The following ETFBKMT variants were observed in gnomAD, a reference collection of about 807,000 sequenced individuals.
The protein encoded by ETFBKMT is electron transfer flavoprotein subunit beta lysine methyltransferase.
A neutral mutation model predicts 18.3 loss-of-function variants in ETFBKMT; 13 were observed. The ratio of observed to expected loss-of-function variants is 0.71; its 90% confidence interval spans 0.46 to 1.13. The LOEUF (loss-of-function observed/expected upper bound fraction) is 1.13, where lower values mean the gene tolerates loss of function less well. ETFBKMT is among the 50% of genes most tolerant of loss of function. The pLI, the probability that ETFBKMT is intolerant of heterozygous loss-of-function variation, is 0.00. For missense variants in ETFBKMT, 293 were observed against 306.2 expected (o/e 0.96, Z 0.32); for synonymous variants, 84 against 107.9 (o/e 0.78, Z 1.37).
intron 1 of ETFBKMT, among the ~76,000 whole-genome samples, chr12:31,652,697 T>C (rs952667299): frequency 1.3e-5 from 2 of 152,116 alleles, no homozygotes; most frequent in African/African-American, 4.8e-5. Flanking sequence ...ATGATGGTGA[T>C]TTATATTAGA....
Position 31,667,906 on chromosome 12 carries a change from A to T in ETFBKMT, c.705A>T (p.Lys235Asn), listed in dbSNP as rs775920698. ...SGHSIQHHLH[K>N]VVEYSLLEST... ...ACAGCATTCAGCATCACCTGCACAA[A>T]GTGGTAGAATATTCACTTTTGGAGT... The change falls in exon 4 of 4, where the codon AAA becomes AAT. Residue 235 changes from lysine to asparagine, a missense_variant. Lys to Asn is a moderately conservative substitution (Grantham distance 94). Coordinates refer to ENST00000357721, the MANE Select transcript of ETFBKMT (RefSeq NM_001135863.2). The T allele has an allele frequency of 3.1e-6, 5 of 1,614,194 alleles. No individual in the cohort carries two copies. In the South Asian group the frequency reaches 5.5e-5, roughly 18 times the overall value.
intron 1 of ETFBKMT, among the ~76,000 whole-genome samples, chr12:31,652,932 GTC>G (rs1951029376): frequency 1.3e-5 from 2 of 152,230 alleles, no homozygotes; most frequent in South Asian, 4.1e-4. Flanking sequence ...TGCCAGGCCG[GTC>G]GCGGTGGCTC....
intron 1 of ETFBKMT, among the ~76,000 whole-genome samples, chr12:31,651,023 C>T (rs1951013067): frequency 6.6e-6 from 1 of 152,138 alleles, no homozygotes; most frequent in Non-Finnish European, 1.5e-5. Flanking sequence ...AAACCCAGGG[C>T]TTATATACCC....
At position 31,672,300 on chromosome 12, in the gene ETFBKMT, AG is replaced by A. The variant is rs1565756072; in HGVS notation, c.*4311del. ...TCCTAGCATTGATCATCTTCAAAAA[AG>A]CATCAATAAACAGTCCATGTCACTT... On this transcript the variant is annotated 3_prime_UTR_variant, in exon 4 of 4. Coordinates refer to ENST00000357721, the MANE Select transcript of ETFBKMT (RefSeq NM_001135863.2). 6.4e-7 allele frequency: 1 copy of A among 1,566,970 alleles called. No homozygotes were observed. Among genetic ancestry groups the A allele is most frequent in the South Asian group, 1.2e-5 (1 of 85,354 alleles).
intron 2 of ETFBKMT, among the ~76,000 whole-genome samples, chr12:31,663,710 G>T (rs1032495482): frequency 1.4e-4 from 22 of 152,202 alleles, no homozygotes; most frequent in Non-Finnish European, 3.2e-4. Flanking sequence ...CCTGCGAGTG[G>T]TATCAGCCCC....
At chr12:31,661,724 G>T (rs1214603752) in intron 1 of ETFBKMT, 117 bp from the exon 2 acceptor site, 8 of 456,814 alleles carry the variant, frequency 1.8e-5, no homozygotes, top group Non-Finnish European at 3.2e-5. Flanking sequence ...CTCCCAAAGT[G>T]CAGGGATTAC....
intron 1 of ETFBKMT, among the ~76,000 whole-genome samples, chr12:31,661,272 T>C (rs1951119728): frequency 6.6e-6 from 1 of 152,188 alleles, no homozygotes; most frequent in Non-Finnish European, 1.5e-5. Context: ...TATGGCTGAT[T>C]TCCTGTAAGA....
At chr12:31,660,874 C>G (rs559456545) in intron 1 of ETFBKMT, 8 of 152,324 alleles carry the variant, frequency 5.3e-5, no homozygotes, top group African/African-American at 1.7e-4. Context: ...CTGTTAACTG[C>G]TTTATCCCAC....
At chr12:31,655,664 G>C (rs533638319), upstream of ETFBKMT, among the ~76,000 whole-genome samples, 6 of 152,176 alleles carry the variant, frequency 3.9e-5, no homozygotes, top group South Asian at 1.2e-3. Context: ...AGATGTACTG[G>C]GCACTAATTA....
At position 31,666,089 on chromosome 12, in the gene ETFBKMT, A is replaced by G. The variant is rs763545488; in HGVS notation, c.317A>G (p.Tyr106Cys). Residue 106 changes from tyrosine to cysteine, a missense_variant and splice_region_variant, in exon 3 of 4, where the codon TAT becomes TGT. By Grantham distance (194) the Tyr-to-Cys change is radical. Coordinates refer to ENST00000357721, the MANE Select transcript of ETFBKMT (RefSeq NM_001135863.2). ...CATGTTTCTCCTTTTTAATTTAGGT[A>G]TCTTTTGGATAATCCTGATGTTGTC... Reference protein sequence around the residue: ...YWPGGQALSRYLLDNPDVVRG... With the variant: ...YWPGGQALSRCLLDNPDVVRG... 56 of 1,607,634 alleles carry G rather than the reference A, an allele frequency of 3.5e-5. No homozygotes were observed. The highest frequency in any genetic ancestry group is 1.2e-4 in the Admixed American group (7 of 58,062).
rs893706299 is a variant in ETFBKMT, at chr12:31,671,623, A to G, written c.*3633A>G. On this transcript the variant is annotated 3_prime_UTR_variant, in exon 4 of 4. Coordinates refer to ENST00000357721, the MANE Select transcript of ETFBKMT (RefSeq NM_001135863.2). ...TTTACTCATTTTTACACATTTTTGA[A>G]TGCAATTTTGCTAAGGAAGGAAAGC... 2 of 152,180 alleles carry G rather than the reference A, an allele frequency of 1.3e-5. No homozygotes were observed. The highest frequency in any genetic ancestry group is 4.8e-5 in the African/African-American group (2 of 41,458). 9.4% of individuals were successfully genotyped at this position (152,180 alleles called of 1,614,324 possible). A position where few individuals can be genotyped will look rare whatever the true frequency, so the allele number is the denominator to read the frequency against.
In ETFBKMT at chr12:31,667,973, T is replaced by TG. The variant is rs137969510; in HGVS notation, c.776dup (p.Gln261SerfsTer19). The TG allele has an allele frequency of 3.4e-5, 55 of 1,612,858 alleles. No homozygotes were observed. The East Asian group carries it at 9.4e-4, about 27-fold the overall frequency. ...CAGTGGACTGACAACAAGCACAGTGTGGGGTTTTCAGCCTTGAGTTGTCAA... is the reference window on the plus strand; with the variant it reads ...CAGTGGACTGACAACAAGCACAGTGTGGGGGTTTTCAGCCTTGAGTTGTCAA... On this transcript the variant is annotated frameshift_variant, in exon 4 of 4. Coordinates refer to ENST00000357721, the MANE Select transcript of ETFBKMT (RefSeq NM_001135863.2). LOFTEE classifies it high-confidence loss of function.
rs576755234 is a variant in ETFBKMT, at chr12:31,671,366, C to T, written c.*3376C>T. On this transcript the variant is annotated 3_prime_UTR_variant, in exon 4 of 4. Coordinates refer to ENST00000357721, the MANE Select transcript of ETFBKMT (RefSeq NM_001135863.2). ...TATACAAGAAAGTTAGCATACTTAC[C>T]CCGTTTTTCACTACATCAGAGGCAA... 3.3e-5 allele frequency: 5 copies of T among 152,024 alleles called. No homozygotes were observed. Among genetic ancestry groups the T allele is most frequent in the Non-Finnish European group, 7.4e-5 (5 of 68,010 alleles). 9.4% of individuals were successfully genotyped at this position (152,024 alleles called of 1,614,324 possible).
Position 31,666,759 on chromosome 12 carries a change from T to A in ETFBKMT, c.445+542T>A, listed in dbSNP as rs898272820. 4.6e-5 allele frequency among the ~76,000 whole-genome samples: 7 copies of A among 151,632 alleles called. No individual in the cohort carries two copies. The South Asian group carries it at 1.5e-3, about 31-fold the overall frequency. ...TCCGCCTCCCGGGTTCACACCATTCTCCTGCCTCAGCCTCCTGAGTAGCTG... is the reference window on the plus strand; with the variant it reads ...TCCGCCTCCCGGGTTCACACCATTCACCTGCCTCAGCCTCCTGAGTAGCTG... On this transcript the variant is annotated intron_variant, in intron 3 of 3. Transcript: ENST00000357721.
At chr12:31,660,621 T>G (rs1158522443) in intron 1 of ETFBKMT, among the ~76,000 whole-genome samples, 1 of 152,196 alleles carries the variant, frequency 6.6e-6, no homozygotes, top group Admixed American at 6.5e-5. Flanking sequence ...AATCGAACCA[T>G]CAGATACTTT....
chr12:31,657,769 G>A (rs1350156947), upstream of ETFBKMT, among the ~76,000 whole-genome samples: 2 of 144,464 alleles, frequency 1.4e-5, no homozygotes, highest in Non-Finnish European at 3.0e-5. Flanking sequence ...TCCAGCCTGG[G>A]CGACAGAGCA....
At position 31,672,585 on chromosome 12, in the gene ETFBKMT, ATTAC is replaced by A. The variant is rs1951303132; in HGVS notation, c.*4598_*4601del. On this transcript the variant is annotated 3_prime_UTR_variant, in exon 4 of 4. Transcript: ENST00000357721. ...TTAGGTGTAGTGCACCTATCATGGT[ATTAC>A]TTGTTTAAAAAAAAAAAACAGGCAT... 1 of 419,682 alleles carries A rather than the reference ATTAC, an allele frequency of 2.4e-6. No homozygotes were observed. The highest frequency in any genetic ancestry group is 2.0e-5 in the African/African-American group (1 of 49,318). 26.0% of individuals were successfully genotyped at this position (419,682 alleles called of 1,614,324 possible).
intron 2 of ETFBKMT, among the ~76,000 whole-genome samples, chr12:31,665,204 G>C (rs773727357): frequency 3.9e-5 from 6 of 152,302 alleles, no homozygotes; most frequent in South Asian, 2.1e-4. Context: ...CCAAAGTGCT[G>C]GGATTACAGG....
chr12:31,662,326 C>G, intron 2 of ETFBKMT, 59 bp downstream of exon 2: 1 of 1,511,382 alleles, frequency 6.6e-7, no homozygotes, highest in Admixed American at 1.8e-5. Flanking sequence ...CAGTTCCCTC[C>G]AACCTCTACA....
Sources: allele counts gnomAD v4.1 joint callset (sites outside exome capture counted in the v4.1 genomes callset), GRCh38; gene constraint gnomAD v4.1.1; transcripts MANE v1.5; gene names NCBI Gene and HGNC (gene_info 2026-07-23, HGNC 2026-07-21).